TBC1D15: variants seen among roughly 807,000 people sequenced by gnomAD.
The protein encoded by TBC1D15 is TBC1 domain family member 15.
A neutral mutation model predicts 95.4 loss-of-function variants in TBC1D15; 39 were observed. The ratio of observed to expected loss-of-function variants is 0.41; its 90% CI spans 0.32 to 0.53. The LOEUF is 0.53. Ranked by LOEUF, TBC1D15 falls within the 20% of genes least tolerant of loss-of-function variation. TBC1D15 has a pLI of 0.29. For synonymous variants in TBC1D15, 258 were observed against 261.3 expected (o/e 0.99, Z 0.12); for missense variants, 733 against 794.3 (o/e 0.92, Z 0.93).
intron 10 of TBC1D15, among the ~76,000 whole-genome samples, chr12:71,898,417 A>G (rs992896065): frequency 6.6e-6 from 1 of 152,096 alleles, no homozygotes; most frequent in Non-Finnish European, 1.5e-5. Context: ...CATTTTTAAA[A>G]TTAAATAAAT....
At chr12:71,865,835 G>A (rs1891382745) in intron 1 of TBC1D15, among the ~76,000 whole-genome samples, 1 of 152,076 alleles carries the variant, frequency 6.6e-6, no homozygotes, top group Non-Finnish European at 1.5e-5. Context: ...GGAGTGATAT[G>A]CCCTTTCAGC....
chr12:71,895,108 TACCTTTTGATA>T, intron 7 of TBC1D15, among the ~76,000 whole-genome samples: 1 of 152,066 alleles, frequency 6.6e-6, no homozygotes, highest in Non-Finnish European at 1.5e-5. Flanking sequence ...CTTCTTTGAT[TACCTTTTGATA>T]ATGAAGTTTG....
chr12:71,909,739 C>T (rs1053459522), intron 11 of TBC1D15, among the ~76,000 whole-genome samples: 3 of 152,206 alleles, frequency 2.0e-5, no homozygotes, highest in Admixed American at 2.0e-4. Flanking sequence ...GCCTGCCCCC[C>T]ACTGCCTACA....
intron 11 of TBC1D15, chr12:71,907,795 G>T (rs1156554837): frequency 6.6e-6 from 1 of 152,224 alleles, no homozygotes; most frequent in Non-Finnish European, 1.5e-5. Flanking sequence ...TGATATTTTA[G>T]ACAAGCAGTG....
intron 7 of TBC1D15, 138 bp downstream of exon 7, chr12:71,895,021 A>G (rs529256129): frequency 5.7e-6 from 4 of 700,134 alleles, no homozygotes; most frequent in African/African-American, 5.4e-5. Context: ...TATATCTGAC[A>G]ATGAGTGCTT....
At chr12:71,921,314 A>T in intron 15 of TBC1D15, 54 bp from the exon 16 acceptor site, 1 of 987,158 alleles carries the variant, frequency 1.0e-6, no homozygotes, top group Non-Finnish European at 1.5e-6. Flanking sequence ...TATATAATAG[A>T]ATATAATAGT....
intron 7 of TBC1D15, 53 bp from the exon 8 acceptor site, chr12:71,895,894 A>G: frequency 1.3e-6 from 2 of 1,549,410 alleles, no homozygotes; most frequent in Non-Finnish European, 1.8e-6. Flanking sequence ...ATATGCCTTT[A>G]TTTCATTTCA....
At chr12:71,906,013 C>A (rs1022234022) in intron 10 of TBC1D15, among the ~76,000 whole-genome samples, 2 of 152,094 alleles carry the variant, frequency 1.3e-5, no homozygotes, top group Non-Finnish European at 2.9e-5. Flanking sequence ...GCTGAGATTA[C>A]AGATGCACAC....
At chr12:71,920,910 C>A in intron 15 of TBC1D15, 63 bp downstream of exon 15, 1 of 1,145,786 alleles carries the variant, frequency 8.7e-7, no homozygotes, top group South Asian at 1.4e-5. Context: ...TCCTGATATA[C>A]AGAACGTTTC....
chr12:71,867,550 G>A (rs990390947), intron 1 of TBC1D15, among the ~76,000 whole-genome samples: 1 of 152,176 alleles, frequency 6.6e-6, no homozygotes, highest in Non-Finnish European at 1.5e-5. Flanking sequence ...ATTCAAAACT[G>A]GGGACCCAAA....
intron 9 of TBC1D15, among the ~76,000 whole-genome samples, 153 bp from the exon 10 acceptor site, chr12:71,897,694 A>G (rs1319164715): frequency 6.6e-6 from 1 of 152,064 alleles, no homozygotes; most frequent in African/African-American, 2.4e-5. Context: ...CTTATTTATC[A>G]TAACTTTAAA....
chr12:71,841,843 G>A (rs540724652), intron 1 of TBC1D15, among the ~76,000 whole-genome samples: 2 of 151,756 alleles, frequency 1.3e-5, no homozygotes, highest in East Asian at 1.9e-4. Context: ...CTTTTTTATC[G>A]TCAGCATAAT....
chr12:71,900,329 G>A (rs189516151), intron 10 of TBC1D15, among the ~76,000 whole-genome samples: 107 of 152,198 alleles, frequency 7.0e-4, no homozygotes, highest in African/African-American at 2.5e-3. Flanking sequence ...GAAGGCTCAG[G>A]AATCCCAGTT....
chr12:71,864,012 T>C (rs913329820), intron 1 of TBC1D15, among the ~76,000 whole-genome samples: 1 of 152,166 alleles, frequency 6.6e-6, no homozygotes, highest in Non-Finnish European at 1.5e-5. Flanking sequence ...TGTTGATTTC[T>C]TTTTCACTAG....
chr12:71,887,381 T>C (rs945741978), intron 5 of TBC1D15, among the ~76,000 whole-genome samples: 1 of 152,174 alleles, frequency 6.6e-6, no homozygotes, highest in African/African-American at 2.4e-5. Context: ...GTGGTTTAAC[T>C]TGAAGAAGAG....
intron 1 of TBC1D15, among the ~76,000 whole-genome samples, chr12:71,850,794 T>C (rs1887601203): frequency 6.6e-6 from 1 of 151,842 alleles, no homozygotes; most frequent in Middle Eastern, 3.2e-3. Flanking sequence ...CGAGACCATC[T>C]TCGGCAACAT....
chr12:71,882,120 C>A lies in TBC1D15; in HGVS notation c.343+1513C>A, dbSNP rs922863952. ...TGTTTTTCTTACCTTTTACCCTTCT[C>A]ATTTTTAACTTTGTACTTTTTTCTT... is the stretch of plus-strand genomic sequence containing the variant. On this transcript the variant is annotated intron_variant, in intron 4 of 16. Coordinates refer to ENST00000485960, the MANE Select transcript of TBC1D15 (RefSeq NM_001146213.3). Among the ~76,000 whole-genome samples, 85 of 152,000 alleles carry A rather than the reference C, an allele frequency of 5.6e-4. 1 individual carries two copies. The highest frequency in any genetic ancestry group is 1.9e-3 in the African/African-American group (77 of 41,422).
intron 1 of TBC1D15, chr12:71,854,776 C>T: frequency 2.2e-6 from 1 of 456,668 alleles, no homozygotes; most frequent in South Asian, 1.5e-5. Flanking sequence ...CCCCCACCTT[C>T]TTTTGCAGAT....
At chr12:71,918,383 A>G in intron 13 of TBC1D15, 68 bp from the exon 14 acceptor site, 1 of 1,018,094 alleles carries the variant, frequency 9.8e-7, no homozygotes, top group Non-Finnish European at 1.4e-6. Context: ...AAGTTAGAGA[A>G]AAGTAACTGT....
Sources: gnomAD v4.1 joint callset for allele counts (sites outside exome capture counted in the v4.1 genomes callset) on GRCh38, gnomAD v4.1.1 for gene constraint, MANE v1.5 for transcripts, NCBI Gene and HGNC (gene_info 2026-07-23, HGNC 2026-07-21) for gene names.